Variants in ANOS1 observed in about 807,000 individuals in gnomAD.
The protein encoded by ANOS1 is anosmin-1.
ANOS1 carries 6 observed loss-of-function variants against 59.0 expected under a neutral mutation model. The ratio of observed to expected loss-of-function variants is 0.10; its 90% CI spans 0.06 to 0.20. The LOEUF (loss-of-function observed/expected upper bound fraction) is 0.20, where lower values mean the gene tolerates loss of function less well. ANOS1 is among the 10% of genes least tolerant of loss of function. The probability of loss-of-function intolerance (pLI) is 1.00; values close to 1 mark genes in which losing one functional copy is unlikely to be tolerated. For missense variants in ANOS1, 433 were observed against 542.3 expected (o/e 0.80, Z 2.00); for synonymous variants, 217 against 223.4 (o/e 0.97, Z 0.25).
At chrX:8,590,340 GTTTT>G (rs1930594946) in intron 4 of ANOS1, among the ~76,000 whole-genome samples, 1 of 108,925 alleles carries the variant, frequency 9.2e-6, no homozygotes, top group African/African-American at 3.3e-5. Flanking sequence ...CCTGTTTATG[GTTTT>G]TTTGTTTGTT....
At chrX:8,612,526 A>G (rs1931077041) in intron 3 of ANOS1, among the ~76,000 whole-genome samples, 1 of 105,720 alleles carries the variant, frequency 9.5e-6, no homozygotes, top group Non-Finnish European at 1.9e-5. Context: ...TGACAAAAAA[A>G]TAAAGAAAAA....
chrX:8,718,693 T>C (rs1056773829), intron 1 of ANOS1, among the ~76,000 whole-genome samples: 4 of 111,776 alleles, frequency 3.6e-5, no homozygotes, highest in Non-Finnish European at 7.5e-5. Flanking sequence ...GGCAGGACTG[T>C]TGGGCAGGAA....
chrX:8,602,497 GA>G (rs1930861784), intron 3 of ANOS1, among the ~76,000 whole-genome samples: 1 of 111,086 alleles, frequency 9.0e-6, no homozygotes, highest in East Asian at 2.8e-4. Flanking sequence ...AAAGGAATGA[GA>G]AAATAATAGA....
chrX:8,596,467 G>A (rs143823181), intron 4 of ANOS1, among the ~76,000 whole-genome samples: 1,294 of 111,892 alleles, frequency 0.012, 22 homozygotes, highest in African/African-American at 0.04. Context: ...CTCTAGAAAC[G>A]GCTTTTGAAT....
chrX:8,587,053 T>A (rs981952250), intron 5 of ANOS1, among the ~76,000 whole-genome samples: 8 of 110,516 alleles, frequency 7.2e-5, no homozygotes, highest in Non-Finnish European at 5.7e-5. Context: ...AGAAGGCATT[T>A]TAGTTGTCTA....
intron 2 of ANOS1, among the ~76,000 whole-genome samples, chrX:8,658,895 T>C (rs1931977442): frequency 9.0e-6 from 1 of 111,028 alleles, no homozygotes; most frequent in African/African-American, 3.3e-5. Context: ...TGTGACCAGC[T>C]TGGGCAACAT....
At chrX:8,719,122 T>C (rs894654869) in intron 1 of ANOS1, among the ~76,000 whole-genome samples, 3 of 111,928 alleles carry the variant, frequency 2.7e-5, no homozygotes, top group Non-Finnish European at 5.6e-5. Context: ...ACCTGTCCAG[T>C]TGATGGGGTG....
Position 8,555,166 on chromosome X carries a change from GT to G in ANOS1, c.1208-1069del, listed in dbSNP as rs753679625. ...ATGAAATTCAGGCAGAAATAAATAAGTTTTTTGAAACCAATGAGAACAAAGA... is the reference window on the plus strand; with the variant it reads ...ATGAAATTCAGGCAGAAATAAATAAGTTTTTGAAACCAATGAGAACAAAGA... On this transcript the variant is annotated intron_variant, in intron 8 of 13. Transcript: ENST00000262648. 5.2e-4 allele frequency among the ~76,000 whole-genome samples: 58 copies of G among 111,568 alleles called. 1 individual carries two copies. In the South Asian group the frequency reaches 0.021, roughly 40 times the overall value.
intron 6 of ANOS1, among the ~76,000 whole-genome samples, chrX:8,579,211 A>G (rs1930380340): frequency 8.9e-6 from 1 of 112,454 alleles, no homozygotes; most frequent in African/African-American, 3.2e-5. Context: ...CAACTGCAAC[A>G]TGGAACCCAA....
intron 8 of ANOS1, 140 bp from the exon 9 acceptor site, chrX:8,554,238 C>T (rs772297115): frequency 1.6e-5 from 8 of 515,809 alleles, no homozygotes; most frequent in African/African-American, 4.7e-5. Flanking sequence ...CTATTTCCAA[C>T]GGAGGTACCG....
At chrX:8,631,319 C>A (rs1931483984) in intron 2 of ANOS1, among the ~76,000 whole-genome samples, 1 of 112,103 alleles carries the variant, frequency 8.9e-6, no homozygotes, top group Non-Finnish European at 1.9e-5. Context: ...ACCACAGTAT[C>A]ATGCTAAGTG....
intron 8 of ANOS1, chrX:8,565,762 A>G (rs2146803364): frequency 8.9e-6 from 1 of 112,515 alleles, no homozygotes. Context: ...TTACTGAGAT[A>G]GGCGAGCCCA....
At chrX:8,630,105 G>A (rs1410499966) in intron 2 of ANOS1, among the ~76,000 whole-genome samples, 4 of 111,994 alleles carry the variant, frequency 3.6e-5, no homozygotes, top group Admixed American at 2.8e-4. Context: ...AAATAAGTCC[G>A]CATCAGTGAA....
intron 2 of ANOS1, among the ~76,000 whole-genome samples, chrX:8,654,593 G>A (rs1438614058): frequency 1.8e-5 from 2 of 112,263 alleles, no homozygotes; most frequent in Non-Finnish European, 3.8e-5. Context: ...TTAACATAAA[G>A]AGCCTTTAAC....
chrX:8,666,863 A>G (rs1406152862), intron 2 of ANOS1, among the ~76,000 whole-genome samples: 2 of 111,009 alleles, frequency 1.8e-5, no homozygotes, highest in South Asian at 3.8e-4. Flanking sequence ...AACTCACTTC[A>G]CCTTGTATGC....
intron 2 of ANOS1, among the ~76,000 whole-genome samples, chrX:8,641,842 T>C (rs779230588): frequency 1.8e-5 from 2 of 109,257 alleles, no homozygotes; most frequent in Non-Finnish European, 3.8e-5. Flanking sequence ...TAGATAGGCA[T>C]CCATTCTGCC....
chrX:8,569,597 G>A (rs1012927812), intron 7 of ANOS1, among the ~76,000 whole-genome samples: 2 of 111,906 alleles, frequency 1.8e-5, no homozygotes, highest in South Asian at 7.5e-4. Context: ...AGCCGAGATT[G>A]CTCCACTGCA....
intron 2 of ANOS1, among the ~76,000 whole-genome samples, chrX:8,665,223 A>C: frequency 8.9e-6 from 1 of 112,432 alleles, no homozygotes; most frequent in Admixed American, 9.4e-5. Context: ...ATGGATTCCA[A>C]CCCATTTCAA....
At chrX:8,536,408 C>T (rs779863663) in intron 11 of ANOS1, among the ~76,000 whole-genome samples, 1 of 109,262 alleles carries the variant, frequency 9.2e-6, no homozygotes, top group South Asian at 4.0e-4. Flanking sequence ...ATGGAAGGTA[C>T]AGATGTGAGG....
Sources: gnomAD v4.1 joint callset for allele counts (sites outside exome capture counted in the v4.1 genomes callset) on GRCh38, gnomAD v4.1.1 for gene constraint, MANE v1.5 for transcripts, NCBI Gene and HGNC (gene_info 2026-07-23, HGNC 2026-07-21) for gene names.